The following CIMIP2A variants were observed in gnomAD, a reference collection of about 807,000 sequenced individuals.
The protein encoded by CIMIP2A is family with sequence similarity 166 member A.
chr9:137,247,664 G>A, the CIMIP2A span: 19 of 1,612,966 alleles, frequency 1.2e-5, no homozygotes, highest in Admixed American at 6.7e-5. Flanking sequence ...TCTCACCCAG[G>A]GACATAGTGA....
chr9:137,244,650 T>C, the CIMIP2A span: 1 of 1,613,804 alleles, frequency 6.2e-7, no homozygotes, highest in Non-Finnish European at 8.5e-7. Flanking sequence ...ACCTGGCTCT[T>C]GTCGAATTCG....
chr9:137,245,065 AG>A, the CIMIP2A span: 1 of 1,610,164 alleles, frequency 6.2e-7, no homozygotes, highest in East Asian at 2.2e-5. Flanking sequence ...GGCCTTCTCC[AG>A]CCCAGCCCAG....
chr9:137,245,385 T>C, the CIMIP2A span: 3 of 1,613,314 alleles, frequency 1.9e-6, no homozygotes, highest in Non-Finnish European at 2.5e-6. Context: ...GTCCCAAGTC[T>C]CTGGAGTCTC....
the CIMIP2A span, chr9:137,252,207 G>T: frequency 6.5e-7 from 1 of 1,547,766 alleles, no homozygotes; most frequent in South Asian, 1.2e-5. Context: ...CTTTGCCTCT[G>T]TGCTGAAACC....
the CIMIP2A span, chr9:137,255,100 C>G: frequency 6.2e-6 from 1 of 160,554 alleles, no homozygotes; most frequent in Non-Finnish European, 1.4e-5. Flanking sequence ...CGTCCGTTCC[C>G]GGAGCAGACG....
the CIMIP2A span, among the ~76,000 whole-genome samples, chr9:137,254,562 G>C: frequency 6.6e-6 from 1 of 152,248 alleles, no homozygotes; most frequent in African/African-American, 2.4e-5. Flanking sequence ...AAGAGCAAGA[G>C]TTTGCTGGGC....
the CIMIP2A span, among the ~76,000 whole-genome samples, chr9:137,249,938 A>C: frequency 6.6e-6 from 1 of 152,220 alleles, no homozygotes; most frequent in African/African-American, 2.4e-5. Context: ...CAGAAGTTCC[A>C]GGGGCCCAGG....
the CIMIP2A span, among the ~76,000 whole-genome samples, chr9:137,249,030 G>A: frequency 1.7e-5 from 2 of 120,604 alleles, no homozygotes; most frequent in African/African-American, 5.9e-5. Context: ...TTTTTTTTTT[G>A]TATTTTTAGT....
the CIMIP2A span, chr9:137,251,226 G>A: frequency 2.2e-5 from 25 of 1,130,108 alleles, no homozygotes; most frequent in Non-Finnish European, 3.0e-5. Flanking sequence ...CAACAGAGGG[G>A]CCTACCAGTG....
At chr9:137,250,398 C>G in the CIMIP2A span, 1 of 152,324 alleles carries the variant, frequency 6.6e-6, no homozygotes. Context: ...GGCGTGAACC[C>G]CTCGCCCAGA....
the CIMIP2A span, chr9:137,252,781 G>A: frequency 6.4e-7 from 1 of 1,561,838 alleles, no homozygotes. Flanking sequence ...GGCTGCCTGG[G>A]GCTAGGGGGC....
the CIMIP2A span, chr9:137,244,779 C>T: frequency 6.2e-7 from 1 of 1,600,480 alleles, no homozygotes; most frequent in African/African-American, 1.3e-5. Flanking sequence ...GCCCCCTTAG[C>T]CTTCCCCTGG....
At chr9:137,251,295 T>C in the CIMIP2A span, 2 of 1,611,080 alleles carry the variant, frequency 1.2e-6, no homozygotes, top group East Asian at 2.2e-5. Context: ...TGATGATGAA[T>C]TCTGACCAGA....
the CIMIP2A span, chr9:137,245,366 A>G: frequency 3.7e-6 from 6 of 1,611,662 alleles, no homozygotes; most frequent in East Asian, 4.5e-5. Context: ...TCTTCCCCGT[A>G]TACTGGGTGT....
the CIMIP2A span, chr9:137,243,695 C>T: frequency 2.5e-6 from 4 of 1,614,016 alleles, no homozygotes; most frequent in African/African-American, 2.7e-5. Flanking sequence ...ACCATTAAAG[C>T]ATTTTCATAG....
At chr9:137,245,172 TGGCGGCG>T in the CIMIP2A span, 1 of 1,156,826 alleles carries the variant, frequency 8.6e-7, no homozygotes, top group Non-Finnish European at 1.3e-6. Context: ...CGTCTCCTGC[TGGCGGCG>T]GGCGGGGGGT....
At chr9:137,246,572 G>A in the CIMIP2A span, among the ~76,000 whole-genome samples, 1 of 151,920 alleles carries the variant, frequency 6.6e-6, no homozygotes, top group Non-Finnish European at 1.5e-5. Context: ...GACCATCCTG[G>A]CCAACATGGT....
At chr9:137,244,646 C>G in the CIMIP2A span, 5 of 1,613,678 alleles carry the variant, frequency 3.1e-6, no homozygotes, top group Non-Finnish European at 4.2e-6. Context: ...TCCTACCTGG[C>G]TCTTGTCGAA....
chr9:137,244,680 C>G, the CIMIP2A span: 1 of 1,613,868 alleles, frequency 6.2e-7, no homozygotes, highest in Non-Finnish European at 8.5e-7. Flanking sequence ...TGCATGACGC[C>G]GTCTCGGTAA....
Sources: allele counts gnomAD v4.1 joint callset (sites outside exome capture counted in the v4.1 genomes callset), GRCh38; gene constraint gnomAD v4.1.1; transcripts MANE v1.5; gene names NCBI Gene and HGNC (gene_info 2026-07-23, HGNC 2026-07-21).